Variants in TMOD1 observed in about 807,000 individuals in gnomAD.
TMOD1 encodes tropomodulin-1.
A neutral mutation model predicts 40.6 loss-of-function variants in TMOD1; 17 were observed. That is an observed-to-expected ratio of 0.42 (90% CI 0.29 to 0.63). The LOEUF is 0.63. Among genes scored for constraint, TMOD1 ranks in the 20% least tolerant of loss-of-function variants. The pLI, the probability that TMOD1 is intolerant of heterozygous loss-of-function variation, is 0.22. For missense variants in TMOD1, 391 were observed against 447.6 expected (o/e 0.87, Z 1.14); for synonymous variants, 181 against 175.0 (o/e 1.03, Z -0.27).
intron 1 of TMOD1, chr9:97,512,585 A>G (rs776069874): frequency 5.9e-5 from 9 of 151,668 alleles, no homozygotes; most frequent in Non-Finnish European, 8.8e-5. Context: ...GAAAGAACAA[A>G]CTGTTACTAC....
At chr9:97,532,657 C>G (rs1830121808) in intron 2 of TMOD1, among the ~76,000 whole-genome samples, 1 of 151,878 alleles carries the variant, frequency 6.6e-6, no homozygotes, top group Admixed American at 6.6e-5. Context: ...AAATTTAAAC[C>G]CTGCCTTTCT....
chr9:97,530,651 C>G lies in TMOD1; in HGVS notation c.120+6343C>G, dbSNP rs372731724. Among the ~76,000 whole-genome samples the G allele has an allele frequency of 7.9e-5, 12 of 152,036 alleles. No homozygotes were observed. The South Asian group carries it at 2.3e-3, about 29-fold the overall frequency. ...TACAGGCGCCCGCCACCATGCCTGG[C>G]TAATTGTTTTTGTATTTTTAGTAGA... On this transcript the variant is annotated intron_variant, in intron 2 of 9. Transcript: ENST00000259365.
At chr9:97,550,034 C>T (rs776744972) in intron 3 of TMOD1, among the ~76,000 whole-genome samples, 1 of 152,180 alleles carries the variant, frequency 6.6e-6, no homozygotes. Context: ...GTACCTATTA[C>T]AGTTAGTTAC....
intron 2 of TMOD1, among the ~76,000 whole-genome samples, chr9:97,532,031 A>G (rs1830109957): frequency 6.6e-6 from 1 of 152,116 alleles, no homozygotes; most frequent in African/African-American, 2.4e-5. Context: ...GCCCCAAATC[A>G]TATCCTTTAA....
chr9:97,600,489 G>C lies in TMOD1; in HGVS notation c.*791G>C, dbSNP rs1308157700. The C allele has an allele frequency of 1.0e-6, 1 of 985,508 alleles. No homozygotes were observed. The highest frequency in any genetic ancestry group is 1.2e-6 in the Non-Finnish European group (1 of 830,110). 61.0% of individuals were successfully genotyped at this position (985,508 alleles called of 1,614,324 possible). A position where few individuals can be genotyped will look rare whatever the true frequency, so the allele number is the denominator to read the frequency against. The stretch of plus-strand genomic sequence containing the variant: ...TGAATGCCAACCTTATGATGGATGT[G>C]AAAATCTACGGCCAAATACTTTTGA... On this transcript the variant is annotated 3_prime_UTR_variant, in exon 10 of 10. Coordinates refer to ENST00000259365, the MANE Select transcript of TMOD1 (RefSeq NM_003275.4).
intron 8 of TMOD1, among the ~76,000 whole-genome samples, chr9:97,575,076 C>G (rs1239967656): frequency 1.3e-5 from 2 of 152,220 alleles, no homozygotes; most frequent in African/African-American, 4.8e-5. Flanking sequence ...ACTGTGGAAA[C>G]TTTGTTCTTT....
At chr9:97,564,380 G>C (rs1342403030) in intron 6 of TMOD1, among the ~76,000 whole-genome samples, 4 of 152,146 alleles carry the variant, frequency 2.6e-5, no homozygotes, top group Non-Finnish European at 5.9e-5. Context: ...TGGCAGTCCT[G>C]GTTTCTTTCT....
At chr9:97,546,162 C>T (rs745535087) in intron 2 of TMOD1, 23 bp from the exon 3 acceptor site, 10 of 1,587,540 alleles carry the variant, frequency 6.3e-6, no homozygotes, top group Admixed American at 1.8e-5. Context: ...CTCTCTCCTG[C>T]CCCCCCACAA....
intron 2 of TMOD1, among the ~76,000 whole-genome samples, chr9:97,538,079 C>T (rs1830211233): frequency 1.3e-5 from 2 of 152,168 alleles, no homozygotes; most frequent in Admixed American, 6.5e-5. Context: ...TACATGTCAA[C>T]AGTCCGCTGG....
chr9:97,592,251 G>A (rs1303940313), intron 9 of TMOD1, among the ~76,000 whole-genome samples: 1 of 151,966 alleles, frequency 6.6e-6, no homozygotes, highest in Non-Finnish European at 1.5e-5. Flanking sequence ...AAGGGAGCAT[G>A]ACTGACAAGG....
intron 2 of TMOD1, among the ~76,000 whole-genome samples, chr9:97,528,709 G>T (rs1830054452): frequency 6.6e-6 from 1 of 152,188 alleles, no homozygotes; most frequent in African/African-American, 2.4e-5. Context: ...TAGCCAGCCA[G>T]CAGGTGTCTG....
At chr9:97,560,454 G>A (rs898007418) in intron 4 of TMOD1, among the ~76,000 whole-genome samples, 2 of 151,936 alleles carry the variant, frequency 1.3e-5, no homozygotes, top group African/African-American at 4.8e-5. Flanking sequence ...CAACAAATAT[G>A]TCCCAATATT....
chr9:97,582,315 T>G (rs1050976886), intron 8 of TMOD1, among the ~76,000 whole-genome samples: 50 of 143,558 alleles, frequency 3.5e-4, no homozygotes, highest in Admixed American at 5.6e-4. Flanking sequence ...GTTGTAGATA[T>G]GTGGCGTTAT....
intron 2 of TMOD1, among the ~76,000 whole-genome samples, chr9:97,536,966 T>C (rs1474353798): frequency 6.6e-6 from 1 of 152,258 alleles, no homozygotes; most frequent in Non-Finnish European, 1.5e-5. Context: ...TGCATGGTTT[T>C]ATGCATGGTG....
At chr9:97,549,602 T>C (rs1412404040) in intron 3 of TMOD1, among the ~76,000 whole-genome samples, 5 of 152,224 alleles carry the variant, frequency 3.3e-5, no homozygotes. Flanking sequence ...TACATTTTTT[T>C]CCCCAAATGA....
At position 97,531,044 on chromosome 9, in the gene TMOD1, C is replaced by G. The variant is rs529116457; in HGVS notation, c.120+6736C>G. ...CTTAGGTGATCCACACCCACCCCCC[C>G]CACCACCCCTTGGCCTCCCAAAGTG... On this transcript the variant is annotated intron_variant, in intron 2 of 9. Transcript: ENST00000259365. 6.7e-3 allele frequency among the ~76,000 whole-genome samples: 925 copies of G among 138,056 alleles called. 70 individuals carry two copies. The highest frequency in any genetic ancestry group is 0.023 in the African/African-American group (862 of 37,180). The allele number at this position is 138,056 out of a possible 152,430, so 90.6% of individuals were successfully genotyped here. A position where few individuals can be genotyped will look rare whatever the true frequency, so the allele number is the denominator to read the frequency against.
chr9:97,576,205 G>A (rs1830936460), intron 8 of TMOD1, among the ~76,000 whole-genome samples: 1 of 152,174 alleles, frequency 6.6e-6, no homozygotes, highest in African/African-American at 2.4e-5. Flanking sequence ...ACTTTGGGAG[G>A]CCAAGGAGGG....
At chr9:97,529,196 T>C (rs1277126540) in intron 2 of TMOD1, among the ~76,000 whole-genome samples, 2 of 152,152 alleles carry the variant, frequency 1.3e-5, no homozygotes, top group Non-Finnish European at 2.9e-5. Flanking sequence ...TAATCCCTCT[T>C]TTTTCTGGGA....
intron 8 of TMOD1, among the ~76,000 whole-genome samples, chr9:97,577,675 G>T (rs1825641498): frequency 6.6e-6 from 1 of 152,138 alleles, no homozygotes; most frequent in African/African-American, 2.4e-5. Context: ...GGAGGCTGAG[G>T]CAGGAGCATC....
Sources: allele counts gnomAD v4.1 joint callset (sites outside exome capture counted in the v4.1 genomes callset), GRCh38; gene constraint gnomAD v4.1.1; transcripts MANE v1.5; gene names NCBI Gene and HGNC (gene_info 2026-07-23, HGNC 2026-07-21).